Variants in PDE4D observed in about 807,000 individuals in gnomAD.
The protein encoded by PDE4D is 3',5'-cyclic-AMP phosphodiesterase 4D.
A neutral mutation model predicts 87.4 loss-of-function variants in PDE4D; 24 were observed. That is an observed-to-expected ratio of 0.27 (90% CI 0.20 to 0.39). The LOEUF (loss-of-function observed/expected upper bound fraction) is 0.39. PDE4D is among the 10% of genes least tolerant of loss of function. PDE4D has a pLI of 1.00. For missense variants in PDE4D, 714 were observed against 1,041.0 expected (o/e 0.69, Z 4.32); for synonymous variants, 384 against 383.2 (o/e 1.00, Z -0.02).
In PDE4D at chr5:59,305,043, AT is replaced by A. The variant is rs572909369; in HGVS notation, c.456-89076del. 1.7e-3 allele frequency among the ~76,000 whole-genome samples: 254 copies of A among 152,014 alleles called. 1 individual carries two copies. The highest frequency in any genetic ancestry group is 5.8e-3 in the African/African-American group (241 of 41,526). On this transcript the variant is annotated intron_variant, in intron 1 of 14. Coordinates refer to ENST00000340635, the MANE Select transcript of PDE4D (RefSeq NM_001104631.2). Reference sequence around the variant, plus strand: ...GGTCTTGGACTTCTTTTTGTTGATAATTTTTTAAGTACCATTTCAATCTCTC... The same window carrying A: ...GGTCTTGGACTTCTTTTTGTTGATAATTTTTAAGTACCATTTCAATCTCTC...
intron 5 of PDE4D, among the ~76,000 whole-genome samples, chr5:59,108,953 C>T (rs1772111234): frequency 1.1e-5 from 1 of 94,386 alleles, no homozygotes; most frequent in Non-Finnish European, 2.2e-5. Context: ...CATAGGAACT[C>T]AATGTGTGTG....
intron 5 of PDE4D, among the ~76,000 whole-genome samples, chr5:59,116,237 T>A (rs1379090996): frequency 6.6e-6 from 1 of 152,110 alleles, no homozygotes; most frequent in Non-Finnish European, 1.5e-5. Context: ...AGCATACAAT[T>A]CCCCATTATA....
chr5:60,019,051 A>T (rs951456719), intron 2 of PDE4D, among the ~76,000 whole-genome samples: 7 of 152,174 alleles, frequency 4.6e-5, no homozygotes, highest in Admixed American at 1.3e-4. Context: ...GTGCCACAAG[A>T]CAACTTACTC....
intron 5 of PDE4D, among the ~76,000 whole-genome samples, chr5:59,099,729 C>T (rs896887601): frequency 3.9e-5 from 6 of 152,144 alleles, no homozygotes; most frequent in African/African-American, 1.4e-4. Context: ...CTCAAAATAA[C>T]ATCCACTATT....
chr5:59,508,441 G>A (rs898225899), intron 1 of PDE4D, among the ~76,000 whole-genome samples: 1 of 152,098 alleles, frequency 6.6e-6, no homozygotes, highest in Non-Finnish European at 1.5e-5. Context: ...TAGCAGACAT[G>A]CAGTTACTTA....
intron 2 of PDE4D, among the ~76,000 whole-genome samples, chr5:59,205,525 C>T (rs1748547841): frequency 6.6e-6 from 1 of 151,924 alleles, no homozygotes; most frequent in South Asian, 2.1e-4. Context: ...ATTCTGAAGG[C>T]ACATAGAAGT....
chr5:59,382,632 G>C (rs964752277), intron 1 of PDE4D, among the ~76,000 whole-genome samples: 1 of 152,128 alleles, frequency 6.6e-6, no homozygotes, highest in African/African-American at 2.4e-5. Context: ...TTTTCCATAT[G>C]TAATCTGCTT....
At chr5:59,509,145 A>C (rs1001769832) in intron 1 of PDE4D, among the ~76,000 whole-genome samples, 2 of 152,028 alleles carry the variant, frequency 1.3e-5, no homozygotes, top group Admixed American at 6.5e-5. Context: ...GCACAACAAC[A>C]AAGATAAAAA....
At chr5:60,048,379 T>C (rs921448495) in intron 2 of PDE4D, among the ~76,000 whole-genome samples, 2 of 152,188 alleles carry the variant, frequency 1.3e-5, no homozygotes, top group East Asian at 1.9e-4. Flanking sequence ...AAAGTTAATA[T>C]TGTTATGTGT....
chr5:60,020,156 G>A (rs1765903583), intron 2 of PDE4D, among the ~76,000 whole-genome samples: 1 of 152,116 alleles, frequency 6.6e-6, no homozygotes, highest in Non-Finnish European at 1.5e-5. Flanking sequence ...ATGGATGGTT[G>A]GTGGAGCAGT....
chr5:59,877,751 G>A (rs1036743609), intron 1 of PDE4D, among the ~76,000 whole-genome samples: 3 of 152,014 alleles, frequency 2.0e-5, no homozygotes, highest in African/African-American at 7.2e-5. Context: ...CCCGGGACAA[G>A]GAGGTTGCAG....
intron 1 of PDE4D, among the ~76,000 whole-genome samples, chr5:60,428,541 C>A (rs1743916877): frequency 6.6e-6 from 1 of 152,136 alleles, no homozygotes; most frequent in East Asian, 1.9e-4. Context: ...AAAAACCTTA[C>A]AATTATACAT....
Position 59,418,599 on chromosome 5 carries a change from G to A in PDE4D, c.456-202631C>T, listed in dbSNP as rs115375503. Among the ~76,000 whole-genome samples the A allele has an allele frequency of 1.6e-3, 247 of 152,246 alleles. 4 individuals are homozygous for A. The highest frequency in any genetic ancestry group is 5.8e-3 in the African/African-American group (242 of 41,530). On this transcript the variant is annotated intron_variant, in intron 1 of 14. Coordinates refer to ENST00000340635, the MANE Select transcript of PDE4D (RefSeq NM_001104631.2). ...AACAGAACACATGGGACAATATTTA[G>A]AGAACAGATGACTGGTGCCTGGGTC... is the stretch of plus-strand genomic sequence containing the variant.
intron 5 of PDE4D, among the ~76,000 whole-genome samples, chr5:59,158,652 TTA>T (rs1182146713): frequency 6.6e-6 from 1 of 152,222 alleles, no homozygotes; most frequent in Non-Finnish European, 1.5e-5. Flanking sequence ...ATGCATTTTT[TTA>T]TAATAATAAA....
intron 3 of PDE4D, among the ~76,000 whole-genome samples, chr5:59,939,959 G>A (rs1214119134): frequency 5.3e-5 from 8 of 152,168 alleles, no homozygotes. Context: ...TATGATCAGA[G>A]AAGGATTTTT....
At chr5:59,161,361 T>C (rs1781074658) in intron 5 of PDE4D, among the ~76,000 whole-genome samples, 1 of 152,102 alleles carries the variant, frequency 6.6e-6, no homozygotes, top group Non-Finnish European at 1.5e-5. Flanking sequence ...GCGGGAAAAC[T>C]CAAAGTTGGG....
At chr5:59,817,029 G>A (rs910126995) in intron 1 of PDE4D, among the ~76,000 whole-genome samples, 17 of 152,160 alleles carry the variant, frequency 1.1e-4, no homozygotes, top group Admixed American at 6.5e-5. Flanking sequence ...GTAAATCATC[G>A]TTCCCATGAA....
intron 1 of PDE4D, among the ~76,000 whole-genome samples, chr5:60,449,605 G>T (rs982081959): frequency 6.6e-6 from 1 of 150,862 alleles, no homozygotes; most frequent in African/African-American, 2.4e-5. Flanking sequence ...TAACTAACCT[G>T]CACATTGTGC....
chr5:60,520,725 G>A (rs954913492), intron 1 of PDE4D, among the ~76,000 whole-genome samples: 3 of 152,220 alleles, frequency 2.0e-5, no homozygotes, highest in Non-Finnish European at 2.9e-5. Flanking sequence ...CACAGACCAT[G>A]TTAGGAAGAC....
Sources: allele counts gnomAD v4.1 joint callset (sites outside exome capture counted in the v4.1 genomes callset), GRCh38; gene constraint gnomAD v4.1.1; transcripts MANE v1.5; gene names NCBI Gene and HGNC (gene_info 2026-07-23, HGNC 2026-07-21).